Variants in RAB6A observed in about 807,000 individuals in gnomAD.
The protein encoded by RAB6A is ras-related protein Rab-6A.
RAB6A carries 8 observed loss-of-function variants against 32.3 expected under a neutral mutation model. The ratio of observed to expected loss-of-function variants is 0.25; its 90% CI spans 0.15 to 0.45. The LOEUF (loss-of-function observed/expected upper bound fraction) is 0.45. RAB6A is among the 20% of genes least tolerant of loss of function. RAB6A has a pLI of 1.00. For synonymous variants in RAB6A, 73 were observed against 82.1 expected (o/e 0.89, Z 0.60); for missense variants, 104 against 249.4 (o/e 0.42, Z 3.93).
chr11:73,732,943 T>C (rs1946341082), intron 1 of RAB6A, among the ~76,000 whole-genome samples: 2 of 151,994 alleles, frequency 1.3e-5, no homozygotes, highest in Non-Finnish European at 2.9e-5. Context: ...CTCCCGAGTA[T>C]CTGAGATTAC....
rs766953583 is a variant in RAB6A, at chr11:73,740,543, G to T, written c.71-9720C>A. On this transcript the variant is annotated intron_variant, in intron 1 of 7. Coordinates refer to ENST00000336083, the MANE Select transcript of RAB6A (RefSeq NM_198896.2). ...AAAATCTAGTAGCCTTTCTCTAAAA[G>T]ACCTAAATTGAATCAAGATTTTTTG... Among the ~76,000 whole-genome samples the T allele has an allele frequency of 2.0e-5, 3 of 151,300 alleles. No individual in the cohort carries two copies. In the South Asian group the frequency reaches 6.3e-4, roughly 32 times the overall value.
intron 1 of RAB6A, among the ~76,000 whole-genome samples, chr11:73,750,076 G>C (rs1010384386): frequency 2.6e-5 from 4 of 152,126 alleles, no homozygotes; most frequent in Admixed American, 2.6e-4. Flanking sequence ...ATGAGTGTTA[G>C]AAGTAAGTGA....
intron 6 of RAB6A, among the ~76,000 whole-genome samples, chr11:73,686,275 G>A (rs1157689287): frequency 6.6e-6 from 1 of 152,144 alleles, no homozygotes; most frequent in Admixed American, 6.5e-5. Flanking sequence ...CCAGATTTAG[G>A]CTGGGTGCAG....
intron 1 of RAB6A, among the ~76,000 whole-genome samples, chr11:73,738,672 C>A (rs574521083): frequency 6.6e-6 from 1 of 151,314 alleles, no homozygotes; most frequent in Non-Finnish European, 1.5e-5. Flanking sequence ...AAATAAATAT[C>A]CAATATTGAG....
At chr11:73,721,007 C>T in intron 2 of RAB6A, 108 bp from the exon 3 acceptor site, 1 of 826,694 alleles carries the variant, frequency 1.2e-6, no homozygotes, top group East Asian at 2.5e-5. Context: ...ATAAACAAAT[C>T]AATACAACAT....
chr11:73,721,755 ACT>A (rs1946135696), intron 2 of RAB6A, among the ~76,000 whole-genome samples: 1 of 150,580 alleles, frequency 6.6e-6, no homozygotes, highest in South Asian at 2.1e-4. Flanking sequence ...GTACATACAT[ACT>A]TTTTCCCTAA....
chr11:73,747,439 C>T (rs1035458866), intron 1 of RAB6A, among the ~76,000 whole-genome samples: 2 of 44,468 alleles, frequency 4.5e-5, no homozygotes, highest in Non-Finnish European at 7.7e-5. Flanking sequence ...GATCGGAACC[C>T]CCCCCCGCCC....
chr11:73,730,306 C>T (rs1244738041), intron 2 of RAB6A: 2 of 153,024 alleles, frequency 1.3e-5, no homozygotes, highest in East Asian at 3.8e-4. Context: ...GATCTCAAAG[C>T]ATTTTCTAAT....
In RAB6A at chr11:73,677,724, T is replaced by G. The variant is rs764867755; in HGVS notation, c.*174A>C. 1 of 1,438,070 alleles carries G rather than the reference T, an allele frequency of 7.0e-7. No individual in the cohort carries two copies. Among genetic ancestry groups the G allele is most frequent in the Non-Finnish European group, 9.3e-7 (1 of 1,073,262 alleles). 89.1% of individuals were successfully genotyped at this position (1,438,070 alleles called of 1,614,324 possible). A position where few individuals can be genotyped will look rare whatever the true frequency, so the allele number is the denominator to read the frequency against. On this transcript the variant is annotated 3_prime_UTR_variant, in exon 8 of 8. Transcript: ENST00000336083. ...TATAAATAATGAAGACACTGACTTT[T>G]GTTGTGCTTGTGAAGCTAATAGATC...
intron 2 of RAB6A, chr11:73,730,206 G>A (rs1009046961): frequency 3.3e-5 from 5 of 152,106 alleles, no homozygotes; most frequent in African/African-American, 1.2e-4. Flanking sequence ...AGAATGTTAG[G>A]CTATTTATTT....
rs1367652675 is a variant in RAB6A at position 73,677,720 on chromosome 11, CTT to C, written c.*176_*177del. 5.6e-6 allele frequency: 8 copies of C among 1,428,392 alleles called. No homozygotes were observed. In the African/African-American group the frequency reaches 1.2e-4, roughly 21 times the overall value. The allele number at this position is 1,428,392 out of a possible 1,614,324, so 88.5% of individuals were successfully genotyped here. A position where few individuals can be genotyped will look rare whatever the true frequency, so the allele number is the denominator to read the frequency against. On this transcript the variant is annotated 3_prime_UTR_variant, in exon 8 of 8. Coordinates refer to ENST00000336083, the MANE Select transcript of RAB6A (RefSeq NM_198896.2). ...AAAATATAAATAATGAAGACACTGA[CTT>C]TTGTTGTGCTTGTGAAGCTAATAGA...
intron 6 of RAB6A, among the ~76,000 whole-genome samples, chr11:73,700,027 T>C (rs1275019849): frequency 6.6e-6 from 1 of 152,234 alleles, no homozygotes; most frequent in African/African-American, 2.4e-5. Context: ...TAGTTTCTCA[T>C]AAAGTCTTCT....
Position 73,707,447 on chromosome 11 carries a change from A to G in RAB6A, c.468T>C (p.Ser156=). 1.2e-6 allele frequency: 2 copies of G among 1,613,490 alleles called. No individual in the cohort carries two copies. Among genetic ancestry groups the G allele is most frequent in the Non-Finnish European group, 1.7e-6 (2 of 1,179,510 alleles). The change falls in exon 6 of 8, where the codon AGT becomes AGC. Residue 156 remains serine, a synonymous_variant. Transcript: ENST00000336083. The part of the protein sequence containing the change: ...KELNVMFIET[S]AKAGYNVKQL... The stretch of plus-strand genomic sequence containing the variant: ...GCTTTACATTGTATCCAGCTTTTGC[A>G]CTAGTTTCAATAAACATAACATTCA...
chr11:73,692,179 C>T (rs1454330322), intron 6 of RAB6A, among the ~76,000 whole-genome samples: 1 of 152,012 alleles, frequency 6.6e-6, no homozygotes, highest in African/African-American at 2.4e-5. Flanking sequence ...CTTATGCCCA[C>T]TGAATCCTCC....
intron 1 of RAB6A, among the ~76,000 whole-genome samples, chr11:73,734,844 C>T (rs749810033): frequency 6.6e-6 from 1 of 152,128 alleles, no homozygotes; most frequent in Non-Finnish European, 1.5e-5. Flanking sequence ...AGGAACAAGA[C>T]AACTACAAGT....
chr11:73,706,923 G>T (rs1465829825), intron 6 of RAB6A, among the ~76,000 whole-genome samples: 3 of 151,978 alleles, frequency 2.0e-5, no homozygotes, highest in African/African-American at 7.3e-5. Context: ...TTTGAGACCA[G>T]CCTGACCAAC....
At chr11:73,722,323 ATATATATATATATATATATATTTTT>A (rs1314111027) in intron 2 of RAB6A, 4 of 7,860 alleles carry the variant, frequency 5.1e-4, no homozygotes, top group Non-Finnish European at 9.2e-4. Context: ...ATATATATAT[ATATATATATATATATATATATTTTT>A]TTTTTTTTTT....
intron 6 of RAB6A, among the ~76,000 whole-genome samples, chr11:73,707,118 CAAAAAAGAAAAAAAAAAA>C (rs1945858566): frequency 2.6e-5 from 1 of 38,154 alleles, no homozygotes; most frequent in South Asian, 8.1e-4. Flanking sequence ...AACTCCATCT[CAAAAAAGAAAAAAAAAAA>C]AAAAAAGAAA....
chr11:73,716,894 C>T (rs1286514729), intron 4 of RAB6A, among the ~76,000 whole-genome samples: 1 of 152,198 alleles, frequency 6.6e-6, no homozygotes, highest in Non-Finnish European at 1.5e-5. Context: ...ATCAGAAACA[C>T]TTGTAACAAA....
Sources: allele counts gnomAD v4.1 joint callset (sites outside exome capture counted in the v4.1 genomes callset), GRCh38; gene constraint gnomAD v4.1.1; transcripts MANE v1.5; gene names NCBI Gene and HGNC (gene_info 2026-07-23, HGNC 2026-07-21).